ELOVL6: variants seen among roughly 807,000 people sequenced by gnomAD.
The protein encoded by ELOVL6 is very long chain fatty acid elongase 6.
In ELOVL6, 8 loss-of-function variants were observed where a neutral mutation model predicts 31.7. The ratio of observed to expected loss-of-function variants is 0.25; its 90% CI spans 0.15 to 0.45. ELOVL6 has a LOEUF of 0.45. Ranked by LOEUF, ELOVL6 falls within the 20% of genes least tolerant of loss-of-function variation. ELOVL6 has a pLI of 1.00. For synonymous variants in ELOVL6, 101 were observed against 117.7 expected (o/e 0.86, Z 0.92); for missense variants, 126 against 326.4 (o/e 0.39, Z 4.73).
chr4:110,145,862 T>C (rs1357617381), intron 1 of ELOVL6, among the ~76,000 whole-genome samples: 1 of 152,188 alleles, frequency 6.6e-6, no homozygotes, highest in African/African-American at 2.4e-5. Context: ...AAGTAGCTGC[T>C]CTTTTCCTGT....
chr4:110,084,407 TGA>T lies in ELOVL6; in HGVS notation c.221+21088_221+21089del, dbSNP rs1258616190. Reference sequence around the variant, plus strand: ...TATCGCATATATGATATATGATATATGACATACATGATATATCACATATATCA... The same window carrying T: ...TATCGCATATATGATATATGATATATCATACATGATATATCACATATATCA... On this transcript the variant is annotated intron_variant, in intron 2 of 3. Transcript: ENST00000302274. 3.0e-3 allele frequency among the ~76,000 whole-genome samples: 289 copies of T among 97,496 alleles called. 4 individuals are homozygous for T. The highest frequency in any genetic ancestry group is 7.1e-3 in the African/African-American group (195 of 27,280). The allele number at this position is 97,496 out of a possible 152,430, so 64.0% of individuals were successfully genotyped here. A position where few individuals can be genotyped will look rare whatever the true frequency, so the allele number is the denominator to read the frequency against.
At chr4:110,175,381 C>CA (rs1033984273) in intron 1 of ELOVL6, among the ~76,000 whole-genome samples, 67 of 143,308 alleles carry the variant, frequency 4.7e-4, no homozygotes, top group Middle Eastern at 3.6e-3. Context: ...GACTCTGTCT[C>CA]AAAAAAAAAA....
chr4:110,136,150 A>G (rs1291746164), intron 1 of ELOVL6, among the ~76,000 whole-genome samples: 1 of 152,170 alleles, frequency 6.6e-6, no homozygotes, highest in Non-Finnish European at 1.5e-5. Context: ...TTGGTCTCAG[A>G]TTTCTAGACA....
intron 1 of ELOVL6, among the ~76,000 whole-genome samples, chr4:110,121,330 G>C (rs1343438442): frequency 6.6e-6 from 1 of 152,180 alleles, no homozygotes; most frequent in Admixed American, 6.5e-5. Flanking sequence ...ATTCAGCTAA[G>C]TTTGCATAGT....
chr4:110,096,625 T>C (rs1011156211), intron 2 of ELOVL6, among the ~76,000 whole-genome samples: 2 of 152,148 alleles, frequency 1.3e-5, no homozygotes, highest in Non-Finnish European at 2.9e-5. Context: ...AGGTCCCAGT[T>C]GAAGCAGTAT....
chr4:110,084,995 G>A (rs1164018621), intron 2 of ELOVL6, among the ~76,000 whole-genome samples: 1 of 152,068 alleles, frequency 6.6e-6, no homozygotes, highest in African/African-American at 2.4e-5. Flanking sequence ...GAAAGAAATT[G>A]ATTTAATTAT....
chr4:110,146,174 C>G (rs1344760823), intron 1 of ELOVL6, among the ~76,000 whole-genome samples: 1 of 152,084 alleles, frequency 6.6e-6, no homozygotes, highest in Admixed American at 6.6e-5. Context: ...GAATAGAGAA[C>G]CCAGAAAGCC....
intron 3 of ELOVL6, among the ~76,000 whole-genome samples, chr4:110,057,957 ACT>A (rs1755040734): frequency 6.6e-6 from 1 of 152,000 alleles, no homozygotes; most frequent in Non-Finnish European, 1.5e-5. Context: ...TGATTCAGAA[ACT>A]CTATGAATCA....
chr4:110,147,444 A>G (rs1758151152), intron 1 of ELOVL6, among the ~76,000 whole-genome samples: 3 of 152,144 alleles, frequency 2.0e-5, no homozygotes, highest in Non-Finnish European at 4.4e-5. Context: ...GGACTAAACT[A>G]AAAAGCTTCT....
chr4:110,091,309 A>G (rs1455016511), intron 2 of ELOVL6, among the ~76,000 whole-genome samples: 1 of 152,206 alleles, frequency 6.6e-6, no homozygotes, highest in African/African-American at 2.4e-5. Context: ...GGCAAAAATC[A>G]GTTTGAGGAG....
chr4:110,156,356 GGA>G (rs1002084145), intron 1 of ELOVL6, among the ~76,000 whole-genome samples: 28 of 152,062 alleles, frequency 1.8e-4, no homozygotes, highest in African/African-American at 6.8e-4. Flanking sequence ...TTTCCACATT[GGA>G]CTGACCTCCA....
In ELOVL6 at chr4:110,048,684, T is replaced by G. The variant is rs1234968950; in HGVS notation, c.*2654A>C. 1 of 144,530 alleles carries G rather than the reference T, an allele frequency of 6.9e-6. No homozygotes were observed. Among genetic ancestry groups the G allele is most frequent in the Non-Finnish European group, 1.5e-5 (1 of 67,130 alleles). 9.0% of individuals were successfully genotyped at this position (144,530 alleles called of 1,614,324 possible). The stretch of plus-strand genomic sequence containing the variant: ...TAAAAACAGTGTATTGAACCTATAT[T>G]ACCAAAATTTTGTTTTGTTTTGTTT... On this transcript the variant is annotated 3_prime_UTR_variant, in exon 4 of 4. Transcript: ENST00000302274.
intron 2 of ELOVL6, among the ~76,000 whole-genome samples, chr4:110,067,662 T>TG (rs1755343495): frequency 6.6e-6 from 1 of 152,200 alleles, no homozygotes; most frequent in African/African-American, 2.4e-5. Flanking sequence ...GATCTCTGCA[T>TG]CAGGTGCTGA....
At chr4:110,167,681 GTATGTATGTA>G (rs1758817961) in intron 1 of ELOVL6, among the ~76,000 whole-genome samples, 3 of 151,238 alleles carry the variant, frequency 2.0e-5, no homozygotes, top group Non-Finnish European at 2.9e-5. Flanking sequence ...ATGTATGTAT[GTATGTATGTA>G]TGTATGTATG....
chr4:110,189,915 C>G (rs980722759), intron 1 of ELOVL6, among the ~76,000 whole-genome samples: 1 of 150,226 alleles, frequency 6.7e-6, no homozygotes, highest in African/African-American at 2.5e-5. Context: ...TGCACTGAGC[C>G]GAGATCATGC....
chr4:110,177,738 C>T (rs1178137559), intron 1 of ELOVL6, among the ~76,000 whole-genome samples: 1 of 152,128 alleles, frequency 6.6e-6, no homozygotes, highest in Admixed American at 6.5e-5. Flanking sequence ...ACCACTGAGG[C>T]TTCCAATCAA....
chr4:110,191,704 G>A (rs1180903843), intron 1 of ELOVL6, among the ~76,000 whole-genome samples: 1 of 152,068 alleles, frequency 6.6e-6, no homozygotes, highest in Non-Finnish European at 1.5e-5. Context: ...TGATTAGATG[G>A]GGGGCCGGGC....
intron 1 of ELOVL6, among the ~76,000 whole-genome samples, chr4:110,184,372 T>G (rs79136024): frequency 0.059 from 8,913 of 152,198 alleles, 316 homozygotes; most frequent in African/African-American, 0.093. Context: ...ATAAACCAAG[T>G]GCCAGTGAAC....
intron 1 of ELOVL6, among the ~76,000 whole-genome samples, chr4:110,122,512 G>A (rs1757382822): frequency 6.6e-6 from 1 of 152,144 alleles, no homozygotes; most frequent in Admixed American, 6.5e-5. Context: ...AAGTAGCTGG[G>A]ACTACAGGTG....
Sources: gnomAD v4.1 joint callset for allele counts (sites outside exome capture counted in the v4.1 genomes callset) on GRCh38, gnomAD v4.1.1 for gene constraint, MANE v1.5 for transcripts, NCBI Gene and HGNC (gene_info 2026-07-23, HGNC 2026-07-21) for gene names.